RPGRIP1L: variants seen among roughly 807,000 people sequenced by gnomAD.
The protein encoded by RPGRIP1L is protein fantom.
A neutral mutation model predicts 160.4 loss-of-function variants in RPGRIP1L; 131 were observed. The observed-to-expected ratio is 0.82, with a 90% confidence interval of 0.71 to 0.94. RPGRIP1L has a LOEUF of 0.94. RPGRIP1L is among the 40% of genes least tolerant of loss of function. The probability of loss-of-function intolerance (pLI) is 0.00; values close to 1 mark genes in which losing one functional copy is unlikely to be tolerated. For missense variants in RPGRIP1L, 1,522 were observed against 1,535.8 expected (o/e 0.99, Z 0.15); for synonymous variants, 510 against 515.8 (o/e 0.99, Z 0.15).
chr16:53,670,834 C>T (rs1170762318), intron 9 of RPGRIP1L, among the ~76,000 whole-genome samples: 1 of 152,132 alleles, frequency 6.6e-6, no homozygotes, highest in Admixed American at 6.5e-5. Flanking sequence ...GTGGCTCACC[C>T]CTGTAATCTC....
chr16:53,638,363 C>T lies in RPGRIP1L; in HGVS notation c.3007G>A (p.Glu1003Lys), dbSNP rs746586531. Residue 1003 changes from glutamate (E) to lysine (K), a missense_variant, in exon 20 of 27, where the codon GAG becomes AAG. Transcript: ENST00000647211. ...TTAATTTCTATTTCTGGTATATGCTCTACCTCTGGTGAAATTTCCTTCCTA... is the reference window on the plus strand; with the variant it reads ...TTAATTTCTATTTCTGGTATATGCTTTACCTCTGGTGAAATTTCCTTCCTA... ...EDRKEISPEV[E>K]HIPEIEINML... 8 of 1,600,752 alleles carry T rather than the reference C, an allele frequency of 5.0e-6. No homozygotes were observed. In the Admixed American group the frequency reaches 1.3e-4, roughly 27 times the overall value.
At position 53,656,924 on chromosome 16, in the gene RPGRIP1L, T is replaced by A. The variant is rs529370369; in HGVS notation, c.1582-335A>T. On this transcript the variant is annotated intron_variant, in intron 13 of 26. Coordinates refer to ENST00000647211, the MANE Select transcript of RPGRIP1L (RefSeq NM_015272.5). ...AAGGTGATTTCATTGCCACTACTCA[T>A]TCCCTAAAATCAGGGACTTTAAAAA... Among the ~76,000 whole-genome samples the A allele has an allele frequency of 3.3e-5, 5 of 152,262 alleles. No homozygotes were observed. The East Asian group carries it at 9.7e-4, about 29-fold the overall frequency.
At chr16:53,652,231 C>T (rs936639618) in intron 15 of RPGRIP1L, among the ~76,000 whole-genome samples, 1 of 152,122 alleles carries the variant, frequency 6.6e-6, no homozygotes, top group Non-Finnish European at 1.5e-5. Flanking sequence ...CACCACCACA[C>T]CTGGCTAATT....
Position 53,675,093 on chromosome 16 carries a change from A to G in RPGRIP1L, c.806T>C (p.Ile269Thr). Residue 269 changes from isoleucine to threonine, a missense_variant, in exon 7 of 27, where the codon ATT becomes ACT. By Grantham distance (89) the Ile-to-Thr change is moderately conservative. Transcript: ENST00000647211. ...RSNIRDNVEM[I>T]KLHKQLVEKS... ...CTCTACTAGCTGTTTATGAAGCTTA[A>G]TCATTTCTACATTGTCCCGAATATT... 1 of 1,611,680 alleles carries G rather than the reference A, an allele frequency of 6.2e-7. No individual in the cohort carries two copies. The highest frequency in any genetic ancestry group is 8.5e-7 in the Non-Finnish European group (1 of 1,178,870).
At chr16:53,626,646 G>C (rs1241842373) in intron 22 of RPGRIP1L, among the ~76,000 whole-genome samples, 3 of 151,648 alleles carry the variant, frequency 2.0e-5, no homozygotes, top group African/African-American at 7.3e-5. Context: ...CTCTACTAAA[G>C]ATACAAAAAT....
At chr16:53,649,891 C>A (rs1388624062) in intron 15 of RPGRIP1L, among the ~76,000 whole-genome samples, 1 of 152,182 alleles carries the variant, frequency 6.6e-6, no homozygotes, top group South Asian at 2.1e-4. Flanking sequence ...CCAATATACT[C>A]CTACTACAGG....
In RPGRIP1L at chr16:53,636,516, T is replaced by C. The variant is rs773938459; in HGVS notation, c.3221-4A>G. 1.2e-5 allele frequency: 19 copies of C among 1,605,790 alleles called. No individual in the cohort carries two copies. Among genetic ancestry groups the C allele is most frequent in the Non-Finnish European group, 1.4e-5 (17 of 1,172,928 alleles). ...GAAGCTGACATGTCCTCTTCAACTGTTTAAAAAATAAAAGGGTAACATTTA... is the reference window on the plus strand; with the variant it reads ...GAAGCTGACATGTCCTCTTCAACTGCTTAAAAAATAAAAGGGTAACATTTA... On this transcript the variant is annotated splice_polypyrimidine_tract_variant and splice_region_variant and intron_variant, in intron 21 of 26. Transcript: ENST00000647211.
chr16:53,683,849 T>TA (rs2151303861), intron 6 of RPGRIP1L, among the ~76,000 whole-genome samples: 1 of 152,132 alleles, frequency 6.6e-6, no homozygotes, highest in Non-Finnish European at 1.5e-5. Context: ...GGAAATAAAA[T>TA]ATCGTACATT....
chr16:53,626,145 TAAA>T lies in RPGRIP1L; in HGVS notation c.3295-3792_3295-3790del, dbSNP rs760491478. Among the ~76,000 whole-genome samples, 5 of 60,526 alleles carry T rather than the reference TAAA, an allele frequency of 8.3e-5. No individual in the cohort carries two copies. The East Asian group carries it at 1.6e-3, about 19-fold the overall frequency. 39.7% of individuals were successfully genotyped at this position (60,526 alleles called of 152,430 possible). On this transcript the variant is annotated intron_variant, in intron 22 of 26. Transcript: ENST00000647211. The stretch of plus-strand genomic sequence containing the variant: ...ACAACCAAGAATGATCAATAAATAC[TAAA>T]AAAAAAAAAAAAAAAAAAAAGAAAA...
intron 6 of RPGRIP1L, among the ~76,000 whole-genome samples, chr16:53,685,147 A>T (rs1190217890): frequency 1.3e-5 from 2 of 152,214 alleles, no homozygotes; most frequent in African/African-American, 4.8e-5. Context: ...GAGAAATGCA[A>T]GCCAAAACCA....
intron 9 of RPGRIP1L, among the ~76,000 whole-genome samples, chr16:53,665,566 C>T (rs1299130908): frequency 6.6e-6 from 1 of 151,962 alleles, no homozygotes; most frequent in Non-Finnish European, 1.5e-5. Flanking sequence ...AAACAAAAAA[C>T]AATAGGCTAA....
chr16:53,696,298 G>C lies in RPGRIP1L; in HGVS notation c.86-3C>G, dbSNP rs753958618. The C allele has an allele frequency of 6.2e-7, 1 of 1,613,724 alleles. No homozygotes were observed. The highest frequency in any genetic ancestry group is 1.3e-5 in the African/African-American group (1 of 75,006). On this transcript the variant is annotated splice_polypyrimidine_tract_variant and splice_region_variant and intron_variant, in intron 2 of 26. Coordinates refer to ENST00000647211, the MANE Select transcript of RPGRIP1L (RefSeq NM_015272.5). Reference sequence around the variant, plus strand: ...CATTGTCCGTGTTGTTGAAGTTTCTGCAAAAATGCCAAGATAATTAATTGT... The same window carrying C: ...CATTGTCCGTGTTGTTGAAGTTTCTCCAAAAATGCCAAGATAATTAATTGT...
intron 4 of RPGRIP1L, among the ~76,000 whole-genome samples, chr16:53,688,845 T>C (rs1970192509): frequency 6.6e-6 from 1 of 151,990 alleles, no homozygotes; most frequent in East Asian, 1.9e-4. Flanking sequence ...AAGTAGTCAA[T>C]ATCTATTGCT....
At chr16:53,624,466 C>T (rs1964942658) in intron 22 of RPGRIP1L, among the ~76,000 whole-genome samples, 1 of 151,858 alleles carries the variant, frequency 6.6e-6, no homozygotes, top group Non-Finnish European at 1.5e-5. Context: ...ATCACTTGAA[C>T]CCGGCAGGTG....
chr16:53,690,778 A>C (rs2151341176), intron 4 of RPGRIP1L, among the ~76,000 whole-genome samples: 1 of 152,258 alleles, frequency 6.6e-6, no homozygotes. Flanking sequence ...CTGATCTCTT[A>C]TCTAAGCTGG....
chr16:53,702,557 T>A (rs534913589), intron 1 of RPGRIP1L, among the ~76,000 whole-genome samples: 46 of 152,356 alleles, frequency 3.0e-4, no homozygotes, highest in Non-Finnish European at 6.0e-4. Flanking sequence ...CTTGTCTTGC[T>A]CAAGGCCTTT....
intron 23 of RPGRIP1L, among the ~76,000 whole-genome samples, chr16:53,620,380 A>C (rs957470518): frequency 6.6e-6 from 1 of 152,178 alleles, no homozygotes; most frequent in African/African-American, 2.4e-5. Flanking sequence ...ATTCTAAGAC[A>C]CTTTAACTAA....
intron 9 of RPGRIP1L, among the ~76,000 whole-genome samples, chr16:53,669,483 A>C (rs939937149): frequency 2.0e-5 from 3 of 151,930 alleles, no homozygotes; most frequent in Non-Finnish European, 4.4e-5. Context: ...CTTCAAATTT[A>C]TACTCTTAGA....
intron 4 of RPGRIP1L, among the ~76,000 whole-genome samples, chr16:53,691,109 G>GTT (rs1185723333): frequency 1.4e-5 from 2 of 138,506 alleles, no homozygotes; most frequent in African/African-American, 2.6e-5. Flanking sequence ...GTGGTTTTTC[G>GTT]TTTTTTTTTT....
Sources: allele counts gnomAD v4.1 joint callset (sites outside exome capture counted in the v4.1 genomes callset), GRCh38; gene constraint gnomAD v4.1.1; transcripts MANE v1.5; gene names NCBI Gene and HGNC (gene_info 2026-07-23, HGNC 2026-07-21).